The following TMEM63B variants were observed in gnomAD, a reference collection of about 807,000 sequenced individuals.
TMEM63B encodes transmembrane protein 63B, also known as mechanosensitive cation channel TMEM63B.
A neutral mutation model predicts 102.6 loss-of-function variants in TMEM63B; 23 were observed. The observed-to-expected ratio is 0.22, with a 90% CI of 0.16 to 0.32. The LOEUF is 0.32. TMEM63B is among the 10% of genes least tolerant of loss of function. TMEM63B has a pLI of 1.00. For synonymous variants in TMEM63B, 444 were observed against 437.0 expected (o/e 1.02, Z -0.20); for missense variants, 628 against 1,095.9 (o/e 0.57, Z 6.03).
At chr6:44,146,489 C>T (rs962594324) in intron 10 of TMEM63B, among the ~76,000 whole-genome samples, 13 of 136,862 alleles carry the variant, frequency 9.5e-5, no homozygotes, top group African/African-American at 2.7e-4. Context: ...CTCGCTCTGT[C>T]GCCCAGTCTG....
In TMEM63B at chr6:44,140,688, G is replaced by A. The variant is rs117653091; in HGVS notation, c.711+328G>A. 7.0e-4 allele frequency among the ~76,000 whole-genome samples: 107 copies of A among 152,160 alleles called. No individual in the cohort carries two copies. The East Asian group carries it at 0.02, about 28-fold the overall frequency. On this transcript the variant is annotated intron_variant, in intron 9 of 23. Coordinates refer to ENST00000323267, the MANE Select transcript of TMEM63B (RefSeq NM_018426.3). ...TACATGCACTCACCAAGCCAGAACCGGACACCTACTCCATGCCAGCCACTG... is the reference window on the plus strand; with the variant it reads ...TACATGCACTCACCAAGCCAGAACCAGACACCTACTCCATGCCAGCCACTG...
At position 44,152,017 on chromosome 6, in the gene TMEM63B, G is replaced by T. The variant is rs764569112; in HGVS notation, c.1836+9G>T. On this transcript the variant is annotated intron_variant, in intron 19 of 23. Transcript: ENST00000323267. The surrounding 1 kb of genome is among the most constrained non-coding windows in gnomAD (Gnocchi z 6.4). ...GGCGCAACGTGAAGCGGGTACGGCC[G>T]CCTGGGGCAGCAGCGGCCCGCACAG... 4 of 1,594,542 alleles carry T rather than the reference G, an allele frequency of 2.5e-6. No individual in the cohort carries two copies. The South Asian group carries it at 3.3e-5, about 13-fold the overall frequency.
chr6:44,135,123 C>T, intron 3 of TMEM63B, 27 bp downstream of exon 3: 2 of 1,611,318 alleles, frequency 1.2e-6, no homozygotes, highest in Non-Finnish European at 8.5e-7. Flanking sequence ...CTCCCTCTAG[C>T]TCTCCACACA....
At chr6:44,140,642 T>C (rs1562124314) in intron 9 of TMEM63B, 1 of 581,708 alleles carries the variant, frequency 1.7e-6, no homozygotes. Flanking sequence ...GATCCTAGGA[T>C]AGTAATATTC....
intron 3 of TMEM63B, 104 bp downstream of exon 3, chr6:44,135,200 G>A: frequency 1.3e-6 from 2 of 1,571,238 alleles, no homozygotes; most frequent in Non-Finnish European, 1.7e-6. Context: ...CTTTGCTGGG[G>A]GGATGAGAAG....
At chr6:44,149,781 T>G in intron 15 of TMEM63B, 78 bp from the exon 16 acceptor site, 1 of 1,170,276 alleles carries the variant, frequency 8.5e-7, no homozygotes, top group Non-Finnish European at 1.2e-6. Context: ...AGGGCCCAGC[T>G]GGGGAGGAGG....
chr6:44,154,535 G>A, intron 23 of TMEM63B, 90 bp downstream of exon 23: 1 of 1,558,954 alleles, frequency 6.4e-7, no homozygotes, highest in Non-Finnish European at 8.8e-7. Context: ...GGGAACCTGT[G>A]CCAGACCCCA....
chr6:44,135,088 T>A lies in TMEM63B; in HGVS notation c.231T>A (p.Asp77Glu). 1 of 1,614,242 alleles carries A rather than the reference T, an allele frequency of 6.2e-7. No homozygotes were observed. Among genetic ancestry groups the A allele is most frequent in the Non-Finnish European group, 8.5e-7 (1 of 1,180,028 alleles). ...WDYGRLALVT[D>E]ADRLRRQERD... ...ATGGGCGGCTGGCCTTGGTGACAGA[T>A]GCAGACAGGTAAGGGTCTGGGACCC... is the stretch of plus-strand genomic sequence containing the variant. Residue 77 changes from aspartate (D) to glutamate (E), a missense_variant, in exon 3 of 24, where the codon GAT becomes GAA. Coordinates refer to ENST00000323267, the MANE Select transcript of TMEM63B (RefSeq NM_018426.3).
intron 6 of TMEM63B, 100 bp downstream of exon 6, chr6:44,138,617 C>T (rs1763484564): frequency 7.0e-7 from 1 of 1,426,976 alleles, no homozygotes; most frequent in Non-Finnish European, 9.8e-7. Context: ...GGCCTTAGCA[C>T]TCCTCGCCAG....
intron 20 of TMEM63B, 149 bp from the exon 21 acceptor site, chr6:44,153,527 G>A: frequency 1.4e-6 from 1 of 739,890 alleles, no homozygotes; most frequent in South Asian, 2.0e-5. Flanking sequence ...TGATCACGCT[G>A]GGGCACGGGG....
chr6:44,130,013 C>G (rs1777967387), intron 1 of TMEM63B, among the ~76,000 whole-genome samples: 1 of 152,184 alleles, frequency 6.6e-6, no homozygotes. Context: ...GTGCCTGTCC[C>G]CTATGCCTGC....
intron 1 of TMEM63B, among the ~76,000 whole-genome samples, chr6:44,131,005 C>T (rs796728782): frequency 2.6e-5 from 4 of 152,166 alleles, no homozygotes; most frequent in African/African-American, 9.6e-5. Context: ...GCAACCTCTG[C>T]CTCCTGGGTT....
At chr6:44,138,857 G>A in intron 6 of TMEM63B, 1 of 338,494 alleles carries the variant, frequency 3.0e-6, no homozygotes, top group Admixed American at 3.9e-5. Flanking sequence ...GCCAGCTGCA[G>A]GCAGAACTCA....
At chr6:44,136,596 C>T (rs943174807) in intron 5 of TMEM63B, among the ~76,000 whole-genome samples, 157 bp downstream of exon 5, 5 of 151,962 alleles carry the variant, frequency 3.3e-5, no homozygotes, top group Non-Finnish European at 5.9e-5. Flanking sequence ...ACAGGATGAC[C>T]CCCCAGGCCC....
intron 1 of TMEM63B, among the ~76,000 whole-genome samples, chr6:44,128,845 C>T (rs1777747427): frequency 6.6e-6 from 1 of 152,218 alleles, no homozygotes; most frequent in African/African-American, 2.4e-5. Flanking sequence ...CAGGCCTTGG[C>T]ATGCCCCAGG....
chr6:44,134,487 C>G lies in TMEM63B; in HGVS notation c.-24-74C>G, dbSNP rs575235045. The G allele has an allele frequency of 6.0e-6, 9 of 1,491,320 alleles. No homozygotes were observed. In the South Asian group the frequency reaches 1.0e-4, roughly 17 times the overall value. The allele number at this position is 1,491,320 out of a possible 1,614,324, so 92.4% of individuals were successfully genotyped here. ...CCTGGTGATCTGTCCTCACTGCCCC[C>G]TCCCCACGCCCACCCTACTGGGCCA... is the stretch of plus-strand genomic sequence containing the variant. On this transcript the variant is annotated intron_variant, in intron 1 of 23. Transcript: ENST00000323267.
At chr6:44,140,210 C>T in intron 8 of TMEM63B, 42 bp from the exon 9 acceptor site, 1 of 1,523,260 alleles carries the variant, frequency 6.6e-7, no homozygotes. Context: ...TGAGTGTGTC[C>T]TAGCCCCAGT....
intron 9 of TMEM63B, chr6:44,140,603 G>A (rs1764034626): frequency 3.2e-6 from 2 of 617,654 alleles, no homozygotes; most frequent in Non-Finnish European, 3.0e-6. Flanking sequence ...GCCGTGCTGT[G>A]CCCAGCACTT....
intron 3 of TMEM63B, 83 bp from the exon 4 acceptor site, chr6:44,135,245 G>T (rs1262780738): frequency 5.1e-6 from 8 of 1,569,714 alleles, no homozygotes; most frequent in Middle Eastern, 1.7e-4. Flanking sequence ...GGGCATGAGG[G>T]CCCTAAGTTG....
Sources: allele counts gnomAD v4.1 joint callset (sites outside exome capture counted in the v4.1 genomes callset), GRCh38; gene constraint gnomAD v4.1.1; non-coding constraint Gnocchi (gnomAD v3.1); transcripts MANE v1.5; gene names NCBI Gene and HGNC (gene_info 2026-07-23, HGNC 2026-07-21).